Variants in CD38 observed in about 807,000 individuals in gnomAD.
CD38 encodes the protein ADP-ribosyl cyclase/cyclic ADP-ribose hydrolase 1.
CD38 carries 31 observed loss-of-function variants against 36.3 expected under a neutral mutation model. The ratio of observed to expected loss-of-function variants is 0.85; its 90% confidence interval spans 0.64 to 1.15. The LOEUF (loss-of-function observed/expected upper bound fraction) is 1.15, where lower values mean the gene tolerates loss of function less well. Ranked by LOEUF, CD38 falls within the 50% of genes most tolerant of loss-of-function variation. The probability of loss-of-function intolerance (pLI) is 0.00; values close to 1 mark genes in which losing one functional copy is unlikely to be tolerated. For synonymous variants in CD38, 131 were observed against 135.2 expected, an observed-to-expected ratio of 0.97 and a Z score of 0.22; for missense variants, 380 against 371.9, an observed-to-expected ratio of 1.02 and a Z score of -0.18.
At chr4:15,793,203 A>G (rs1481746401) in intron 1 of CD38, among the ~76,000 whole-genome samples, 1 of 151,340 alleles carries the variant, frequency 6.6e-6, no homozygotes, top group Admixed American at 6.6e-5. Flanking sequence ...TATATCTCCA[A>G]CCCAGACCTC....
At chr4:15,821,359 T>TA (rs1482348912) in intron 2 of CD38, among the ~76,000 whole-genome samples, 1 of 147,006 alleles carries the variant, frequency 6.8e-6, no homozygotes, top group African/African-American at 2.5e-5. Context: ...CTGAAGGAGA[T>TA]AGAGACACAA....
chr4:15,815,823 G>A (rs1441001738), intron 1 of CD38, among the ~76,000 whole-genome samples: 3 of 152,120 alleles, frequency 2.0e-5, no homozygotes, highest in African/African-American at 7.2e-5. Context: ...GGTGAGAGAG[G>A]ACATCCTTGT....
In CD38 at chr4:15,778,640, G is replaced by C; in HGVS notation, c.226G>C (p.Glu76Gln). Reference sequence around the variant, plus strand: ...CGTCAAGTACACTGAAATTCATCCTGAGATGAGGTGGGTTGGCGACTAAGG... The same window carrying C: ...CGTCAAGTACACTGAAATTCATCCTCAGATGAGGTGGGTTGGCGACTAAGG... ...RCVKYTEIHPEMRHVDCQSVW... is the reference protein window; with the variant it reads ...RCVKYTEIHPQMRHVDCQSVW... Residue 76 changes from glutamate to glutamine, a missense_variant, in exon 1 of 8, where the codon GAG (glutamate) becomes CAG (glutamine). Glu to Gln is a conservative substitution (Grantham distance 29). Coordinates refer to ENST00000226279, the MANE Select transcript of CD38 (RefSeq NM_001775.4). The surrounding 1 kb of genome is among the most constrained non-coding windows in gnomAD (Gnocchi z 4.9). 7 of 1,609,284 alleles carry C rather than the reference G, an allele frequency of 4.3e-6. No homozygotes were observed. Among genetic ancestry groups the C allele is most frequent in the Non-Finnish European group, 6.0e-6 (7 of 1,176,024 alleles).
In CD38 at chr4:15,834,244, G is replaced by A. The variant is rs1724018054; in HGVS notation, c.527G>A (p.Trp176Ter). 18 of 1,611,914 alleles carry A rather than the reference G, an allele frequency of 1.1e-5. No homozygotes were observed. Among genetic ancestry groups the A allele is most frequent in the Non-Finnish European group, 1.5e-5 (18 of 1,178,088 alleles). ...ATAAACTATCAATCTTGCCCAGACT[G>A]GAGAAAGGACTGCAGCAACAACCCT... Reference protein sequence around the residue: ...SKINYQSCPDWRKDCSNNPVS... With the variant: ...SKINYQSCPD The change falls in exon 4 of 8, where the codon TGG becomes TAG. Residue 176 changes from tryptophan to a stop codon, truncating the protein, a stop_gained. Transcript: ENST00000226279. LOFTEE classifies it high-confidence loss of function.
rs192439902 is a variant in CD38, at chr4:15,816,625, C to T, written c.348C>T (p.Thr116=). 7.9e-5 allele frequency: 127 copies of T among 1,613,716 alleles called. No homozygotes were observed. In the East Asian group the frequency reaches 1.5e-3, roughly 19 times the overall value. Residue 116 remains threonine (T), a synonymous_variant, in exon 2 of 8, where the codon ACC becomes ACT. Coordinates refer to ENST00000226279, the MANE Select transcript of CD38 (RefSeq NM_001775.4). ...CACTAATGAAGTTGGGAACTCAGAC[C>T]GTACCTTGCAACAAGGTAATTGGGG... is the stretch of plus-strand genomic sequence containing the variant. ...YQPLMKLGTQ[T]VPCNKILLWS...
intron 1 of CD38, among the ~76,000 whole-genome samples, chr4:15,793,133 C>T (rs1439610714): frequency 6.6e-6 from 1 of 152,066 alleles, no homozygotes; most frequent in South Asian, 2.1e-4. Context: ...GCTGATTACA[C>T]CCCCTCTTTC....
intron 2 of CD38, among the ~76,000 whole-genome samples, chr4:15,818,258 C>T (rs76877963): frequency 1.3e-5 from 2 of 152,072 alleles, no homozygotes; most frequent in Non-Finnish European, 2.9e-5. Context: ...AGTGTGGCAA[C>T]GTGGTTGTGG....
chr4:15,840,119 G>C lies in CD38; in HGVS notation c.752+1G>C. ...TACATGGTGGAAGAGAAGATTCCAG[G>C]TATATCTTACTACTTTGTACCCAAG... On this transcript the variant is annotated splice_donor_variant, in intron 6 of 7. Transcript: ENST00000226279. LOFTEE classifies it high-confidence loss of function. 6.3e-7 allele frequency: 1 copy of C among 1,589,058 alleles called. No individual in the cohort carries two copies.
chr4:15,848,845 G>A lies in CD38; in HGVS notation c.*243G>A, dbSNP rs951531481. On this transcript the variant is annotated 3_prime_UTR_variant, in exon 8 of 8. Transcript: ENST00000226279. The stretch of plus-strand genomic sequence containing the variant: ...TATAAGATTAGAATGAAAATTGTAT[G>A]TTAAGTTACTTCACTTTAATTCTCA... 1.4e-5 allele frequency: 5 copies of A among 348,584 alleles called. No homozygotes were observed. The highest frequency in any genetic ancestry group is 2.1e-5 in the Non-Finnish European group (4 of 192,958). 21.6% of individuals were successfully genotyped at this position (348,584 alleles called of 1,614,324 possible).
chr4:15,780,518 T>TCACACACACACGCGCACACA (rs1234570285), intron 1 of CD38, among the ~76,000 whole-genome samples: 1 of 140,028 alleles, frequency 7.1e-6, no homozygotes, highest in African/African-American at 2.8e-5. Flanking sequence ...ATTCTCTCTC[T>TCACACACACACGCGCACACA]CACACACACA....
chr4:15,847,595 C>CAAAAAAAAAAAAAA (rs71179666), intron 7 of CD38, among the ~76,000 whole-genome samples: 1 of 38,144 alleles, frequency 2.6e-5, no homozygotes, highest in Admixed American at 4.1e-4. Flanking sequence ...CTCTCAGAAG[C>CAAAAAAAAAAAAAA]AAAAAAAAAA....
chr4:15,810,495 G>A (rs1407083331), intron 1 of CD38, among the ~76,000 whole-genome samples: 1 of 152,172 alleles, frequency 6.6e-6, no homozygotes, highest in Non-Finnish European at 1.5e-5. Context: ...GAAGGCCACT[G>A]CATTAATAGA....
chr4:15,812,008 A>T lies in CD38; in HGVS notation c.234-4503A>T, dbSNP rs188487809. ...TTCTTCTGTGGTGGGGCAGGAGAGG[A>T]ATTTTTCTTCTGGGTGTTATTCAAG... On this transcript the variant is annotated intron_variant, in intron 1 of 7. Transcript: ENST00000226279. 3.6e-3 allele frequency among the ~76,000 whole-genome samples: 541 copies of T among 152,116 alleles called. 1 individual carries two copies. Among genetic ancestry groups the T allele is most frequent in the Non-Finnish European group, 6.5e-3 (439 of 67,980 alleles).
At chr4:15,845,943 G>A (rs1724259939) in intron 7 of CD38, among the ~76,000 whole-genome samples, 1 of 106,982 alleles carries the variant, frequency 9.3e-6, no homozygotes, top group East Asian at 2.5e-4. Context: ...AACTGCTCAT[G>A]GGTAGGAAGA....
At chr4:15,792,748 T>TA (rs1723031342) in intron 1 of CD38, among the ~76,000 whole-genome samples, 1 of 152,206 alleles carries the variant, frequency 6.6e-6, no homozygotes, top group African/African-American at 2.4e-5. Context: ...AAAAGAACAT[T>TA]AAAAAACACA....
At chr4:15,841,523 G>C (rs1724205587) in intron 7 of CD38, among the ~76,000 whole-genome samples, 1 of 152,020 alleles carries the variant, frequency 6.6e-6, no homozygotes, top group Admixed American at 6.5e-5. Flanking sequence ...ATGAATGAAG[G>C]AGCAACTGTA....
chr4:15,842,358 TAGA>T (rs1724232284), intron 7 of CD38, among the ~76,000 whole-genome samples: 1 of 127,212 alleles, frequency 7.9e-6, no homozygotes, highest in Non-Finnish European at 1.6e-5. Flanking sequence ...TCCTGTCTGT[TAGA>T]AGGAAAACTA....
intron 3 of CD38, chr4:15,826,173 T>C: frequency 6.6e-6 from 1 of 152,210 alleles, no homozygotes; most frequent in Admixed American, 6.5e-5. Context: ...CAAATGTCAC[T>C]CTGAATTTTC....
chr4:15,785,055 T>TAAAA (rs11373711), intron 1 of CD38, among the ~76,000 whole-genome samples: 3 of 147,184 alleles, frequency 2.0e-5, no homozygotes, highest in African/African-American at 7.6e-5. Flanking sequence ...GACTCTGTCT[T>TAAAA]AAAAAAAAAA....
Sources: allele counts gnomAD v4.1 joint callset (sites outside exome capture counted in the v4.1 genomes callset), GRCh38; gene constraint gnomAD v4.1.1; non-coding constraint Gnocchi (gnomAD v3.1); transcripts MANE v1.5; gene names NCBI Gene and HGNC (gene_info 2026-07-23, HGNC 2026-07-21).